COL23A1: variants seen among roughly 807,000 people sequenced by gnomAD.
COL23A1 encodes the protein collagen alpha-1(XXIII) chain.
In COL23A1, 97 loss-of-function variants were observed where a neutral mutation model predicts 99.3. That is an observed-to-expected ratio of 0.98 (90% CI 0.83 to 1.16). COL23A1 has a LOEUF of 1.16. Ranked by LOEUF, COL23A1 falls within the 50% of genes most tolerant of loss-of-function variation. The probability of loss-of-function intolerance (pLI) is 0.00; values close to 1 mark genes in which losing one functional copy is unlikely to be tolerated. For missense variants in COL23A1, 762 were observed against 757.4 expected, an observed-to-expected ratio of 1.01 and a Z score of -0.07; for synonymous variants, 320 against 308.2, an observed-to-expected ratio of 1.04 and a Z score of -0.40.
chr5:178,444,129 C>T (rs1307348581), intron 2 of COL23A1, among the ~76,000 whole-genome samples: 1 of 151,984 alleles, frequency 6.6e-6, no homozygotes, highest in Non-Finnish European at 1.5e-5. Flanking sequence ...TCCCTTGAGC[C>T]CAGGAGGTCA....
intron 27 of COL23A1, among the ~76,000 whole-genome samples, chr5:178,241,711 C>T (rs1298630731): frequency 6.6e-6 from 1 of 152,220 alleles, no homozygotes; most frequent in Non-Finnish European, 1.5e-5. Flanking sequence ...GGTCTAGGCC[C>T]TGTCCACTTC....
At chr5:178,498,843 A>G (rs1758372985) in intron 2 of COL23A1, among the ~76,000 whole-genome samples, 1 of 152,120 alleles carries the variant, frequency 6.6e-6, no homozygotes, top group African/African-American at 2.4e-5. Context: ...TAATTCCAGC[A>G]CTTTGGGAGG....
intron 2 of COL23A1, among the ~76,000 whole-genome samples, chr5:178,534,396 C>G (rs532007929): frequency 1.3e-5 from 2 of 152,160 alleles, no homozygotes; most frequent in African/African-American, 2.4e-5. Flanking sequence ...TTTTGCTGTA[C>G]GAATTCGCAG....
In COL23A1 at chr5:178,365,570, C is replaced by T. The variant is rs1351982645; in HGVS notation, c.362-58651G>A. Among the ~76,000 whole-genome samples the T allele has an allele frequency of 6.6e-6, 1 of 152,140 alleles. No individual in the cohort carries two copies. Among genetic ancestry groups the T allele is most frequent in the Non-Finnish European group, 1.5e-5 (1 of 68,016 alleles). On this transcript the variant is annotated intron_variant, in intron 2 of 28. Coordinates refer to ENST00000390654, the MANE Select transcript of COL23A1 (RefSeq NM_173465.4). This position sits in a 1 kb window ranked among gnomAD's most constrained non-coding sequence, Gnocchi z 5.2. ...GAGGGGTCCTCAGGTCTGGCTGGGCCCACCTGGCTGCTTCCTGGTCTCTAC... is the reference window on the plus strand; with the variant it reads ...GAGGGGTCCTCAGGTCTGGCTGGGCTCACCTGGCTGCTTCCTGGTCTCTAC...
chr5:178,462,696 CAAA>C (rs932591120), intron 2 of COL23A1, among the ~76,000 whole-genome samples: 2 of 152,070 alleles, frequency 1.3e-5, no homozygotes, highest in African/African-American at 4.8e-5. Flanking sequence ...ACAACAAAAA[CAAA>C]AAAATCAAAA....
intron 2 of COL23A1, among the ~76,000 whole-genome samples, chr5:178,334,508 A>G (rs932043649): frequency 2.0e-5 from 3 of 152,268 alleles, no homozygotes; most frequent in Admixed American, 6.5e-5. Flanking sequence ...TTAGCATTTC[A>G]AAGAGGACCA....
rs751438733 is a variant in COL23A1, at chr5:178,304,603, G to A, written c.406+2272C>T. 5.3e-5 allele frequency among the ~76,000 whole-genome samples: 8 copies of A among 151,854 alleles called. No homozygotes were observed. In the East Asian group the frequency reaches 1.5e-3, roughly 29 times the overall value. ...ATACAAGGGAAGGCATGAAAGCCAG[G>A]ATGTGCATATGTGTGTAACTATCTA... is the stretch of plus-strand genomic sequence containing the variant. On this transcript the variant is annotated intron_variant, in intron 3 of 28. Coordinates refer to ENST00000390654, the MANE Select transcript of COL23A1 (RefSeq NM_173465.4).
intron 1 of COL23A1, chr5:178,562,183 A>G (rs1762596576): frequency 2.2e-6 from 1 of 453,122 alleles, no homozygotes; most frequent in African/African-American, 2.0e-5. Context: ...CGGAGGTTGC[A>G]GTGAGCCGAG....
rs1760621028 is a variant in COL23A1 at position 178,340,936 on chromosome 5, GAGATCAGCTGGTTT to G, written c.362-34031_362-34018del. 6.6e-6 allele frequency among the ~76,000 whole-genome samples: 1 copy of G among 152,258 alleles called. No homozygotes were observed. Among genetic ancestry groups the G allele is most frequent in the Non-Finnish European group, 1.5e-5 (1 of 68,040 alleles). On this transcript the variant is annotated intron_variant, in intron 2 of 28. Transcript: ENST00000390654. The surrounding 1 kb of genome is among the most constrained non-coding windows in gnomAD (Gnocchi z 4.7). The stretch of plus-strand genomic sequence containing the variant: ...GCAGGGGTGGCTGTCCTGCCAGGCA[GAGATCAGCTGGTTT>G]AGACCTCATACTGACCATACCCACC...
rs1765266545 is a variant in COL23A1, at chr5:178,255,748, A to G, written c.882+605T>C. ...CAGCCTGCCCAGAACTGCCTGGCTC[A>G]CTGGCTGCCTAATCCAACCCCCTCC... is the stretch of plus-strand genomic sequence containing the variant. On this transcript the variant is annotated intron_variant, in intron 15 of 28. Coordinates refer to ENST00000390654, the MANE Select transcript of COL23A1 (RefSeq NM_173465.4). This position sits in a 1 kb window ranked among gnomAD's most constrained non-coding sequence, Gnocchi z 4.2. 3.6e-6 allele frequency: 1 copy of G among 280,270 alleles called. No homozygotes were observed. Among genetic ancestry groups the G allele is most frequent in the South Asian group, 2.8e-5 (1 of 36,318 alleles). 17.4% of individuals were successfully genotyped at this position (280,270 alleles called of 1,614,324 possible).
At chr5:178,358,279 T>C in intron 2 of COL23A1, among the ~76,000 whole-genome samples, 1 of 149,326 alleles carries the variant, frequency 6.7e-6, no homozygotes, top group Non-Finnish European at 1.5e-5. Context: ...TATATGTGTG[T>C]ATGCGTGTGC....
chr5:178,437,145 G>A (rs1018030795), intron 2 of COL23A1, among the ~76,000 whole-genome samples: 2 of 152,086 alleles, frequency 1.3e-5, no homozygotes, highest in Non-Finnish European at 2.9e-5. Context: ...TCGGCCAGGA[G>A]GTCATTCAGC....
rs138122332 is a variant in COL23A1, at chr5:178,414,381, T to G, written c.362-107462A>C. Among the ~76,000 whole-genome samples, 143 of 151,000 alleles carry G rather than the reference T, an allele frequency of 9.5e-4. 1 individual carries two copies. The highest frequency in any genetic ancestry group is 3.2e-3 in the Admixed American group (49 of 15,176). ...AGAGGGTCTGGGAGAGTGCCGTGGC[T>G]CTGGCATTAACTACAAATATCCTTT... On this transcript the variant is annotated intron_variant, in intron 2 of 28. Transcript: ENST00000390654.
chr5:178,537,832 T>C (rs1423391538), intron 2 of COL23A1, among the ~76,000 whole-genome samples: 2 of 152,222 alleles, frequency 1.3e-5, no homozygotes, highest in Non-Finnish European at 2.9e-5. Flanking sequence ...CACGGCTCAG[T>C]GGCGGTAAGT....
chr5:178,513,259 C>T (rs1039301257), intron 2 of COL23A1, among the ~76,000 whole-genome samples: 2 of 152,172 alleles, frequency 1.3e-5, no homozygotes, highest in African/African-American at 4.8e-5. Context: ...ATGCACTGTG[C>T]CGAGTGCTGC....
At chr5:178,317,208 T>C (rs768402337) in intron 2 of COL23A1, among the ~76,000 whole-genome samples, 3 of 152,240 alleles carry the variant, frequency 2.0e-5, no homozygotes, top group South Asian at 2.1e-4. Flanking sequence ...TTAAATCCTA[T>C]TATTCTTCAA....
intron 2 of COL23A1, among the ~76,000 whole-genome samples, chr5:178,361,154 A>G (rs1265295861): frequency 6.6e-6 from 1 of 152,254 alleles, no homozygotes; most frequent in African/African-American, 2.4e-5. Context: ...TCTTACTTAA[A>G]TAAAATATAT....
At position 178,547,480 on chromosome 5, in the gene COL23A1, CACA is replaced by C. The variant is rs1196706192; in HGVS notation, c.361+13199_361+13201del. The stretch of plus-strand genomic sequence containing the variant: ...GTGGGCACACACACCCACACACCCA[CACA>C]CACACCCACACATCCCCATACACAC... On this transcript the variant is annotated intron_variant, in intron 2 of 28. Coordinates refer to ENST00000390654, the MANE Select transcript of COL23A1 (RefSeq NM_173465.4). 3.6e-3 allele frequency among the ~76,000 whole-genome samples: 514 copies of C among 141,654 alleles called. 6 individuals carry two copies. Among genetic ancestry groups the C allele is most frequent in the South Asian group, 0.023 (102 of 4,386 alleles). 92.9% of individuals were successfully genotyped at this position (141,654 alleles called of 152,430 possible).
intron 2 of COL23A1, among the ~76,000 whole-genome samples, chr5:178,548,860 C>T (rs927999209): frequency 7.9e-5 from 12 of 152,054 alleles, no homozygotes; most frequent in Non-Finnish European, 1.6e-4. Context: ...ACAACAAAAA[C>T]TTAAATAAAA....
Sources: allele counts gnomAD v4.1 joint callset (sites outside exome capture counted in the v4.1 genomes callset), GRCh38; gene constraint gnomAD v4.1.1; non-coding constraint Gnocchi (gnomAD v3.1); transcripts MANE v1.5; gene names NCBI Gene and HGNC (gene_info 2026-07-23, HGNC 2026-07-21).